The following HECTD2 variants were observed in gnomAD, a reference collection of about 807,000 sequenced individuals.
HECTD2 encodes HECT domain E3 ubiquitin protein ligase 2, also known as probable E3 ubiquitin-protein ligase HECTD2.
A neutral mutation model predicts 103.2 loss-of-function variants in HECTD2; 35 were observed. The observed-to-expected ratio is 0.34, with a 90% CI of 0.26 to 0.45. HECTD2 has a LOEUF of 0.45. Ranked by LOEUF, HECTD2 falls within the 20% of genes least tolerant of loss-of-function variation. The pLI is 1.00. For synonymous variants in HECTD2, 281 were observed against 329.9 expected (o/e 0.85, Z 1.61); for missense variants, 596 against 937.4 (o/e 0.64, Z 4.76).
At chr10:91,414,380 A>T (rs763160355) in intron 1 of HECTD2, among the ~76,000 whole-genome samples, 1 of 152,256 alleles carries the variant, frequency 6.6e-6, no homozygotes, top group Non-Finnish European at 1.5e-5. Context: ...AAGTTGGCTT[A>T]TCAGTTGTGT....
chr10:91,454,816 G>A (rs192653258), intron 2 of HECTD2, among the ~76,000 whole-genome samples: 13 of 151,902 alleles, frequency 8.6e-5, no homozygotes, highest in Admixed American at 2.0e-4. Flanking sequence ...GAGAACATGC[G>A]GTGTTTGGTT....
At position 91,483,206 on chromosome 10, in the gene HECTD2, C is replaced by A. The variant is rs79158368; in HGVS notation, c.821+130C>A. The stretch of plus-strand genomic sequence containing the variant: ...AATGATGCTTATATTCACAATGCTT[C>A]AAAAGCCAGTTACAAAAATCTACTT... On this transcript the variant is annotated intron_variant, in intron 8 of 20. Coordinates refer to ENST00000298068, the MANE Select transcript of HECTD2 (RefSeq NM_182765.6). 4.3e-5 allele frequency: 19 copies of A among 439,290 alleles called. No individual in the cohort carries two copies. In the East Asian group the frequency reaches 7.0e-4, roughly 16 times the overall value. 27.2% of individuals were successfully genotyped at this position (439,290 alleles called of 1,614,324 possible).
In HECTD2 at chr10:91,485,185, G is replaced by A; in HGVS notation, c.976G>A (p.Ala326Thr). The A allele has an allele frequency of 1.3e-6, 2 of 1,540,336 alleles. No individual in the cohort carries two copies. The highest frequency in any genetic ancestry group is 1.8e-6 in the Non-Finnish European group (2 of 1,132,214). ...GTTAGAATTTATCTTTACAGATACT[G>A]CAAACAATTTAGTTCACCCTCCCCT... is the stretch of plus-strand genomic sequence containing the variant. ...AAKVLALLNT[A>T]NNLVHPPLIP... The change falls in exon 10 of 21, where the codon GCA becomes ACA. Residue 326 changes from alanine (A) to threonine (T), a missense_variant. Coordinates refer to ENST00000298068, the MANE Select transcript of HECTD2 (RefSeq NM_182765.6).
chr10:91,438,939 G>C lies in HECTD2; in HGVS notation c.268+13529G>C, dbSNP rs1283620972. Among the ~76,000 whole-genome samples the C allele has an allele frequency of 2.0e-5, 3 of 151,974 alleles. No homozygotes were observed. In the East Asian group the frequency reaches 5.8e-4, roughly 29 times the overall value. ...TTGATGGAGTAGGTTGATTTTTCTTGCAAATTTGTTGAAGTTCCTTGTAGA... is the reference window on the plus strand; with the variant it reads ...TTGATGGAGTAGGTTGATTTTTCTTCCAAATTTGTTGAAGTTCCTTGTAGA... On this transcript the variant is annotated intron_variant, in intron 2 of 20. Coordinates refer to ENST00000298068, the MANE Select transcript of HECTD2 (RefSeq NM_182765.6).
At chr10:91,438,090 C>CT (rs557344747) in intron 2 of HECTD2, among the ~76,000 whole-genome samples, 2,455 of 146,328 alleles carry the variant, frequency 0.017, 60 homozygotes, top group African/African-American at 0.057. Context: ...CTTAAGCCAT[C>CT]TTTTTTTTTT....
intron 15 of HECTD2, 148 bp downstream of exon 15, chr10:91,496,520 T>C (rs1356597875): frequency 5.0e-6 from 3 of 602,330 alleles, no homozygotes; most frequent in Non-Finnish European, 8.2e-6. Context: ...TCTAGCTTTT[T>C]CTTTCCTTAG....
Position 91,498,863 on chromosome 10 carries a change from TC to T in HECTD2, c.1756-6del. ...CCATATTAATATGTGTAATGGCATC[TC>T]CCATCAGGTTTTTCAAGAAGAATTT... On this transcript the variant is annotated splice_polypyrimidine_tract_variant and splice_region_variant and intron_variant, in intron 16 of 20. Coordinates refer to ENST00000298068, the MANE Select transcript of HECTD2 (RefSeq NM_182765.6). The T allele has an allele frequency of 2.6e-6, 4 of 1,522,580 alleles. No homozygotes were observed. 94.3% of individuals were successfully genotyped at this position (1,522,580 alleles called of 1,614,324 possible).
intron 1 of HECTD2, 127 bp from the exon 2 acceptor site, chr10:91,425,154 T>C: frequency 1.4e-6 from 1 of 714,458 alleles, no homozygotes; most frequent in Admixed American, 3.9e-5. Flanking sequence ...GTCAAATTTA[T>C]ATACGTTTTT....
intron 9 of HECTD2, 44 bp downstream of exon 9, chr10:91,484,699 C>G (rs1441851718): frequency 6.9e-7 from 1 of 1,444,478 alleles, no homozygotes; most frequent in East Asian, 2.3e-5. Flanking sequence ...TCTTTTGTTA[C>G]ATTTTAGGGA....
intron 20 of HECTD2, among the ~76,000 whole-genome samples, chr10:91,504,358 C>T (rs1310682665): frequency 6.6e-6 from 1 of 151,350 alleles, no homozygotes; most frequent in East Asian, 1.9e-4. Context: ...AAACCAAAGG[C>T]AAAGAAGTTG....
chr10:91,451,260 C>T (rs1018351075), intron 2 of HECTD2, among the ~76,000 whole-genome samples: 1 of 152,106 alleles, frequency 6.6e-6, no homozygotes, highest in Admixed American at 6.6e-5. Context: ...TCTCAGCAAA[C>T]TATCACAGGA....
At chr10:91,440,557 G>A (rs867542936) in intron 2 of HECTD2, among the ~76,000 whole-genome samples, 47 of 146,998 alleles carry the variant, frequency 3.2e-4, no homozygotes, top group South Asian at 6.8e-4. Context: ...TTGTGTCTCC[G>A]CCAGGTTTTG....
intron 5 of HECTD2, among the ~76,000 whole-genome samples, chr10:91,470,644 C>T (rs914056702): frequency 6.6e-6 from 1 of 151,932 alleles, no homozygotes; most frequent in Non-Finnish European, 1.5e-5. Context: ...CAGAAACAAG[C>T]ACAAACTAAC....
At chr10:91,508,640 A>C (rs1234491521) in intron 20 of HECTD2, among the ~76,000 whole-genome samples, 2 of 148,352 alleles carry the variant, frequency 1.3e-5, no homozygotes, top group Non-Finnish European at 3.0e-5. Context: ...GCTGGAGAGG[A>C]TGTGGAGAAA....
chr10:91,432,175 AG>A (rs1390270994), intron 2 of HECTD2, among the ~76,000 whole-genome samples: 2 of 151,942 alleles, frequency 1.3e-5, no homozygotes, highest in African/African-American at 4.8e-5. Flanking sequence ...TGTTTTGGGA[AG>A]CCTCTCTTAC....
rs560484825 is a variant in HECTD2 at position 91,469,952 on chromosome 10, C to A, written c.600+7768C>A. ...ACTTCAGACAAAACAGACTTTTAAACCAACAACAATCAAAAAAGACAAGAG... is the reference window on the plus strand; with the variant it reads ...ACTTCAGACAAAACAGACTTTTAAAACAACAACAATCAAAAAAGACAAGAG... On this transcript the variant is annotated intron_variant, in intron 5 of 20. Coordinates refer to ENST00000298068, the MANE Select transcript of HECTD2 (RefSeq NM_182765.6). Among the ~76,000 whole-genome samples, 4 of 152,216 alleles carry A rather than the reference C, an allele frequency of 2.6e-5. No homozygotes were observed. In the South Asian group the frequency reaches 8.3e-4, roughly 32 times the overall value.
At chr10:91,436,571 AC>A (rs1247157215) in intron 2 of HECTD2, among the ~76,000 whole-genome samples, 1 of 151,492 alleles carries the variant, frequency 6.6e-6, no homozygotes, top group Non-Finnish European at 1.5e-5. Flanking sequence ...AGTCCAAAGC[AC>A]CTCTTTTTTA....
At chr10:91,433,421 T>C (rs981636916) in intron 2 of HECTD2, among the ~76,000 whole-genome samples, 7 of 152,034 alleles carry the variant, frequency 4.6e-5, no homozygotes, top group Non-Finnish European at 1.0e-4. Context: ...GGTGGGTAAC[T>C]ATGTATGCAT....
chr10:91,511,110 T>C (rs191491862), intron 20 of HECTD2, among the ~76,000 whole-genome samples: 1 of 152,356 alleles, frequency 6.6e-6, no homozygotes, highest in Non-Finnish European at 1.5e-5. Context: ...TCTCAAAATT[T>C]AGTTTTAAAT....
Sources: gnomAD v4.1 joint callset for allele counts (sites outside exome capture counted in the v4.1 genomes callset) on GRCh38, gnomAD v4.1.1 for gene constraint, MANE v1.5 for transcripts, NCBI Gene and HGNC (gene_info 2026-07-23, HGNC 2026-07-21) for gene names.